The following IQSEC2 variants were observed in gnomAD, a reference collection of about 807,000 sequenced individuals.
The protein encoded by IQSEC2 is IQ motif and SEC7 domain-containing protein 2.
A neutral mutation model predicts 74.6 loss-of-function variants in IQSEC2; 6 were observed. The observed-to-expected ratio is 0.08, with a 90% CI of 0.04 to 0.16. The LOEUF is 0.16. IQSEC2 is among the 10% of genes least tolerant of loss of function. The pLI is 1.00. For synonymous variants in IQSEC2, 494 were observed against 544.5 expected, an observed-to-expected ratio of 0.91 and a Z score of 1.29; for missense variants, 734 against 1,306.2, an observed-to-expected ratio of 0.56 and a Z score of 6.75.
intron 2 of IQSEC2, among the ~76,000 whole-genome samples, chrX:53,271,947 A>G (rs1556868733): frequency 9.0e-6 from 1 of 111,492 alleles, no homozygotes; most frequent in Admixed American, 9.5e-5. Flanking sequence ...TTTTGCATTC[A>G]ATTTCCGGAG....
chrX:53,288,284 C>T (rs1239575142), intron 2 of IQSEC2, among the ~76,000 whole-genome samples: 1 of 111,885 alleles, frequency 8.9e-6, no homozygotes, highest in Non-Finnish European at 1.9e-5. Context: ...GATTGGAGCA[C>T]TGAGGCCCAC....
At chrX:53,294,887 A>G (rs1288234483) in intron 1 of IQSEC2, among the ~76,000 whole-genome samples, 1 of 111,679 alleles carries the variant, frequency 9.0e-6, no homozygotes, top group African/African-American at 3.3e-5. Flanking sequence ...CAATGGCACT[A>G]TCTTGGTTCA....
In IQSEC2 at chrX:53,252,374, T is replaced by TA. The variant is rs56333530; in HGVS notation, c.1402-1201dup. Among the ~76,000 whole-genome samples the TA allele has an allele frequency of 1.3e-3, 128 of 98,323 alleles. 1 individual carries two copies. Among genetic ancestry groups the TA allele is most frequent in the African/African-American group, 3.9e-3 (102 of 26,477 alleles). 85.4% of individuals were successfully genotyped at this position (98,323 alleles called of 115,157 possible). ...CCACACCTGGCCAAAAAAAATTTATTAAAAAAAAAAAAAAAAACTGCAAAA... is the reference window on the plus strand; with the variant it reads ...CCACACCTGGCCAAAAAAAATTTATTAAAAAAAAAAAAAAAAAACTGCAAAA... On this transcript the variant is annotated intron_variant, in intron 4 of 14. Transcript: ENST00000642864.
At chrX:53,227,392 T>G, downstream of IQSEC2, 1 of 261,035 alleles carries the variant, frequency 3.8e-6, no homozygotes, top group Non-Finnish European at 6.8e-6. Flanking sequence ...TTAAACAACT[T>G]GCCCAATGAT....
At chrX:53,274,332 C>T (rs1375648699) in intron 2 of IQSEC2, among the ~76,000 whole-genome samples, 2 of 110,615 alleles carry the variant, frequency 1.8e-5, no homozygotes, top group African/African-American at 6.6e-5. Flanking sequence ...GACAAACTAG[C>T]CCCATAAAAA....
At chrX:53,303,668 G>A (rs2075233014) in intron 1 of IQSEC2, among the ~76,000 whole-genome samples, 1 of 109,556 alleles carries the variant, frequency 9.1e-6, no homozygotes, top group Non-Finnish European at 1.9e-5. Flanking sequence ...AGGCATGATG[G>A]TGGGCGCCTA....
rs186067775 is a variant in IQSEC2, at chrX:53,290,479, C to T, written c.737+1416G>A. On this transcript the variant is annotated intron_variant, in intron 2 of 14. Coordinates refer to ENST00000642864, the MANE Select transcript of IQSEC2 (RefSeq NM_001111125.3). Reference sequence around the variant, plus strand: ...GGGATGCTTGCAGGAGCCCCGTGCTCGGGTGGCCTCTCTCCAAACCCACGG... The same window carrying T: ...GGGATGCTTGCAGGAGCCCCGTGCTTGGGTGGCCTCTCTCCAAACCCACGG... 3.4e-3 allele frequency among the ~76,000 whole-genome samples: 379 copies of T among 111,969 alleles called. 2 individuals carry two copies. Among genetic ancestry groups the T allele is most frequent in the African/African-American group, 0.012 (363 of 30,838 alleles).
At chrX:53,278,122 T>C (rs1435402937) in intron 2 of IQSEC2, among the ~76,000 whole-genome samples, 1 of 100,762 alleles carries the variant, frequency 9.9e-6, no homozygotes, top group East Asian at 3.4e-4. Flanking sequence ...GCCCTTCTCC[T>C]GCCTCAGCCT....
At chrX:53,281,478 C>T (rs1443652808) in intron 2 of IQSEC2, 9 of 1,008,418 alleles carry the variant, frequency 8.9e-6, no homozygotes, top group East Asian at 3.4e-5. Context: ...GGCCAGGCTG[C>T]GGGGCCCAGG....
At chrX:53,273,937 G>A (rs1241994598) in intron 2 of IQSEC2, among the ~76,000 whole-genome samples, 1 of 112,625 alleles carries the variant, frequency 8.9e-6, no homozygotes, top group East Asian at 2.8e-4. Context: ...TGAAGGTTAA[G>A]ATTCTTAAAA....
intron 2 of IQSEC2, among the ~76,000 whole-genome samples, chrX:53,265,171 G>A (rs184127008): frequency 2.2e-3 from 241 of 111,167 alleles, no homozygotes; most frequent in African/African-American, 7.3e-3. Context: ...AAATAAGGGA[G>A]ACAGGCAGGG....
At chrX:53,304,005 C>T (rs1365292357) in intron 1 of IQSEC2, among the ~76,000 whole-genome samples, 1 of 108,743 alleles carries the variant, frequency 9.2e-6, no homozygotes, top group East Asian at 2.9e-4. Flanking sequence ...GTGGTGGGCG[C>T]GGTGCCTGTA....
chrX:53,276,291 G>A (rs2074832784), intron 2 of IQSEC2, among the ~76,000 whole-genome samples: 1 of 111,548 alleles, frequency 9.0e-6, no homozygotes, highest in South Asian at 3.7e-4. Context: ...ATTCATAGTG[G>A]TTTTATAGAA....
At chrX:53,315,880 A>C (rs2075365241) in intron 1 of IQSEC2, among the ~76,000 whole-genome samples, 1 of 111,624 alleles carries the variant, frequency 9.0e-6, no homozygotes, top group Non-Finnish European at 1.9e-5. Context: ...AAGGGCAGGC[A>C]GCAAGTCTGG....
intron 1 of IQSEC2, among the ~76,000 whole-genome samples, chrX:53,312,854 A>G (rs1333956915): frequency 8.9e-6 from 1 of 112,549 alleles, no homozygotes; most frequent in Non-Finnish European, 1.9e-5. Context: ...AGGTGAATGC[A>G]GTATGCTGTA....
At chrX:53,254,330 C>CA (rs57468463) in intron 4 of IQSEC2, among the ~76,000 whole-genome samples, 200 bp downstream of exon 4, 16 of 69,157 alleles carry the variant, frequency 2.3e-4, no homozygotes, top group African/African-American at 6.0e-4. Context: ...AACTCCGTCT[C>CA]AAAAAAAAAA....
intron 1 of IQSEC2, among the ~76,000 whole-genome samples, chrX:53,294,860 T>C: frequency 1.8e-5 from 2 of 111,458 alleles, no homozygotes; most frequent in Middle Eastern, 4.6e-3. Context: ...TCTTGCTCTG[T>C]CGCCCAGGCT....
intron 2 of IQSEC2, chrX:53,279,303 A>G: frequency 3.3e-6 from 1 of 306,586 alleles, no homozygotes; most frequent in Admixed American, 5.4e-5. Flanking sequence ...AAGCTGGATT[A>G]TCACATAGTC....
chrX:53,256,492 G>A (rs1275156249), intron 2 of IQSEC2, among the ~76,000 whole-genome samples: 3 of 109,502 alleles, frequency 2.7e-5, no homozygotes, highest in Non-Finnish European at 5.7e-5. Flanking sequence ...CGCAGTGCTC[G>A]CTGTGATTTC....
Sources: gnomAD v4.1 joint callset for allele counts (sites outside exome capture counted in the v4.1 genomes callset) on GRCh38, gnomAD v4.1.1 for gene constraint, MANE v1.5 for transcripts, NCBI Gene and HGNC (gene_info 2026-07-23, HGNC 2026-07-21) for gene names.